The following TENM2 variants were observed in gnomAD, a reference collection of about 807,000 sequenced individuals.
The protein encoded by TENM2 is teneurin-2.
Under a neutral mutation model 245.2 loss-of-function variants are expected in TENM2, and 52 were observed. The ratio of observed to expected loss-of-function variants is 0.21; its 90% CI spans 0.17 to 0.27. TENM2 has a LOEUF of 0.27. Among genes scored for constraint, TENM2 ranks in the 10% least tolerant of loss-of-function variants. The pLI is 1.00. For missense variants in TENM2, 3,046 were observed against 3,666.8 expected (o/e 0.83, Z 4.37); for synonymous variants, 1,363 against 1,438.9 (o/e 0.95, Z 1.19).
chr5:168,262,934 C>A, exon 29 of TENM2: 1 of 863,892 alleles, frequency 1.2e-6, no homozygotes, highest in Non-Finnish European at 1.7e-6. Context: ...GACCAAGTGG[C>A]AAGAAAGCTC....
At chr5:167,408,843 T>A (rs964817819) in intron 2 of TENM2, among the ~76,000 whole-genome samples, 1 of 150,268 alleles carries the variant, frequency 6.7e-6, no homozygotes, top group Non-Finnish European at 1.5e-5. Flanking sequence ...ATGTCTAATA[T>A]ATATATGACA....
the TENM2 span, among the ~76,000 whole-genome samples, chr5:167,223,427 C>T: frequency 6.6e-6 from 1 of 151,924 alleles, no homozygotes; most frequent in Admixed American, 6.6e-5. Context: ...CACATATGAG[C>T]GGGAACACAC....
chr5:167,293,976 CTGTGTG>C (rs55869331), intron 1 of TENM2, among the ~76,000 whole-genome samples: 5 of 148,754 alleles, frequency 3.4e-5, no homozygotes, highest in South Asian at 2.2e-4. Context: ...GATGTGAGTT[CTGTGTG>C]TGTGTGTGTG....
chr5:167,429,117 T>C (rs1764050941), intron 2 of TENM2, among the ~76,000 whole-genome samples: 1 of 152,218 alleles, frequency 6.6e-6, no homozygotes, highest in Non-Finnish European at 1.5e-5. Flanking sequence ...TAAAGCTTTC[T>C]CATAGTTTTA....
intron 2 of TENM2, among the ~76,000 whole-genome samples, chr5:167,787,048 A>G (rs924890393): frequency 1.3e-5 from 2 of 152,210 alleles, no homozygotes; most frequent in Admixed American, 1.3e-4. Flanking sequence ...TATTCATACA[A>G]CAATCTTGCA....
chr5:166,981,727 T>C, the TENM2 span, among the ~76,000 whole-genome samples: 1 of 152,192 alleles, frequency 6.6e-6, no homozygotes, highest in Non-Finnish European at 1.5e-5. Context: ...TCGAAGACTA[T>C]GAGTACGTTG....
chr5:167,262,466 G>A, the TENM2 span, among the ~76,000 whole-genome samples: 1 of 151,784 alleles, frequency 6.6e-6, no homozygotes, highest in African/African-American at 2.4e-5. Context: ...AGATCCTAAA[G>A]ATGGTGCAGA....
chr5:167,999,734 G>C (rs1039883913), intron 5 of TENM2, among the ~76,000 whole-genome samples: 2 of 152,224 alleles, frequency 1.3e-5, no homozygotes, highest in Admixed American at 6.5e-5. Context: ...TCCTCTCCGA[G>C]ATTCCCATCA....
At chr5:167,682,712 T>A (rs1349642363) in intron 2 of TENM2, among the ~76,000 whole-genome samples, 2 of 152,084 alleles carry the variant, frequency 1.3e-5, no homozygotes, top group Admixed American at 6.6e-5. Flanking sequence ...GCCATTCACC[T>A]CCTGCTGCGT....
intron 2 of TENM2, among the ~76,000 whole-genome samples, chr5:167,589,068 G>A (rs887326655): frequency 1.3e-5 from 2 of 152,024 alleles, no homozygotes; most frequent in Non-Finnish European, 1.5e-5. Flanking sequence ...TGGGTCTATT[G>A]GCACACACCT....
chr5:168,081,301 C>T (rs987896280), intron 7 of TENM2, among the ~76,000 whole-genome samples: 2 of 152,184 alleles, frequency 1.3e-5, no homozygotes, highest in African/African-American at 4.8e-5. Context: ...CTTCCTCCCT[C>T]CCTTTATTTT....
At chr5:168,203,869 GC>G in intron 18 of TENM2, 37 bp downstream of exon 20, 2 of 1,560,128 alleles carry the variant, frequency 1.3e-6, no homozygotes, top group Non-Finnish European at 1.8e-6. Context: ...ATACAGCCTT[GC>G]CACTTCTCTG....
At chr5:167,747,477 C>T (rs544982147) in intron 2 of TENM2, among the ~76,000 whole-genome samples, 21 of 152,290 alleles carry the variant, frequency 1.4e-4, no homozygotes, top group Admixed American at 6.5e-4. Context: ...TTCTAAGAAT[C>T]TATTTATGTT....
the TENM2 span, among the ~76,000 whole-genome samples, chr5:167,133,163 GTAAAGGC>G: frequency 3.3e-5 from 5 of 152,132 alleles, no homozygotes. Context: ...GAGAGAAACC[GTAAAGGC>G]TAAAGACAGA....
chr5:168,029,210 C>T (rs1432371943), intron 5 of TENM2, among the ~76,000 whole-genome samples: 4 of 152,122 alleles, frequency 2.6e-5, no homozygotes. Context: ...TAATCACTTC[C>T]CAAGGGCTTT....
chr5:167,455,844 C>T (rs1000584176), intron 2 of TENM2, among the ~76,000 whole-genome samples: 4 of 152,128 alleles, frequency 2.6e-5, no homozygotes, highest in South Asian at 2.1e-4. Flanking sequence ...CTTAGCTGCA[C>T]CTTGACCTCC....
intron 2 of TENM2, among the ~76,000 whole-genome samples, chr5:167,819,060 G>C (rs1259984140): frequency 2.5e-5 from 3 of 120,930 alleles, no homozygotes; most frequent in Non-Finnish European, 5.0e-5. Context: ...GTGTGTGACT[G>C]TGTGTGTGTG....
chr5:167,604,066 G>C (rs1249016916), intron 2 of TENM2, among the ~76,000 whole-genome samples: 2 of 151,962 alleles, frequency 1.3e-5, no homozygotes, highest in Middle Eastern at 3.2e-3. Flanking sequence ...CAATATACTA[G>C]CCTTGTTTCT....
chr5:167,150,668 G>T, the TENM2 span, among the ~76,000 whole-genome samples: 1 of 152,112 alleles, frequency 6.6e-6, no homozygotes, highest in East Asian at 1.9e-4. Context: ...ATACATAGAG[G>T]TTAATGTGTC....
Sources: gnomAD v4.1 joint callset for allele counts (sites outside exome capture counted in the v4.1 genomes callset) on GRCh38, gnomAD v4.1.1 for gene constraint, MANE v1.5 for transcripts, NCBI Gene and HGNC (gene_info 2026-07-23, HGNC 2026-07-21) for gene names.